Variants in NOVA1 observed in about 807,000 individuals in gnomAD.
The protein encoded by NOVA1 is NOVA alternative splicing regulator 1, also known as RNA-binding protein Nova-1.
NOVA1 carries 7 observed loss-of-function variants against 38.0 expected under a neutral mutation model. The ratio of observed to expected loss-of-function variants is 0.18; its 90% CI spans 0.10 to 0.35. The LOEUF (loss-of-function observed/expected upper bound fraction) is 0.35. Among genes scored for constraint, NOVA1 ranks in the 10% least tolerant of loss-of-function variants. The pLI, the probability that NOVA1 is intolerant of heterozygous loss-of-function variation, is 1.00. For synonymous variants in NOVA1, 270 were observed against 232.5 expected (o/e 1.16, Z -1.47); for missense variants, 460 against 616.0 (o/e 0.75, Z 2.68).
In NOVA1 at chr14:26,470,251, A is replaced by T. The variant is rs989505901; in HGVS notation, c.519+2069T>A. On this transcript the variant is annotated intron_variant, in intron 4 of 4. Transcript: ENST00000539517. ...GGTTATATACTTCCAGATATAAGTCAGTATAGCAAAGCTAAATTAATCAGG... is the reference window on the plus strand; with the variant it reads ...GGTTATATACTTCCAGATATAAGTCTGTATAGCAAAGCTAAATTAATCAGG... 3 of 1,201,818 alleles carry T rather than the reference A, an allele frequency of 2.5e-6. No individual in the cohort carries two copies. The African/African-American group carries it at 4.5e-5, about 18-fold the overall frequency. The allele number at this position is 1,201,818 out of a possible 1,614,324, so 74.4% of individuals were successfully genotyped here. A position where few individuals can be genotyped will look rare whatever the true frequency, so the allele number is the denominator to read the frequency against.
chr14:26,541,119 G>C (rs1311367337), intron 2 of NOVA1, among the ~76,000 whole-genome samples: 1 of 152,140 alleles, frequency 6.6e-6, no homozygotes, highest in Non-Finnish European at 1.5e-5. Context: ...ATTGGGGTTG[G>C]AAGGTAGAAT....
In NOVA1 at chr14:26,445,421, C is replaced by A. The variant is rs925429399; in HGVS notation, c.*2538G>T. On this transcript the variant is annotated 3_prime_UTR_variant, in exon 5 of 5. Coordinates refer to ENST00000539517, the MANE Select transcript of NOVA1 (RefSeq NM_002515.3). ...ACCATAAATTAAAATGTAATATCTT[C>A]AATTTAGCTTTCAGTTTTAACTAAC... The A allele has an allele frequency of 6.6e-6, 1 of 152,126 alleles. No individual in the cohort carries two copies. The highest frequency in any genetic ancestry group is 2.4e-5 in the African/African-American group (1 of 41,432). The allele number at this position is 152,126 out of a possible 1,614,324, so 9.4% of individuals were successfully genotyped here. A position where few individuals can be genotyped will look rare whatever the true frequency, so the allele number is the denominator to read the frequency against.
chr14:26,467,100 CAGA>C (rs1434268256), intron 4 of NOVA1, among the ~76,000 whole-genome samples: 4 of 152,128 alleles, frequency 2.6e-5, no homozygotes, highest in African/African-American at 9.7e-5. Flanking sequence ...AAAGAAGACT[CAGA>C]AGAATTCCCA....
chr14:26,450,653 TCA>T (rs1302355222), intron 4 of NOVA1, among the ~76,000 whole-genome samples: 6 of 152,142 alleles, frequency 3.9e-5, no homozygotes, highest in African/African-American at 1.4e-4. Flanking sequence ...TTAGTTTTGC[TCA>T]CAGACATCTT....
At chr14:26,489,099 T>C (rs928544175) in intron 2 of NOVA1, among the ~76,000 whole-genome samples, 1 of 151,886 alleles carries the variant, frequency 6.6e-6, no homozygotes, top group Non-Finnish European at 1.5e-5. Context: ...GCTTACGAGA[T>C]GAGAGCAAGA....
At chr14:26,464,087 C>T (rs1309482603) in intron 4 of NOVA1, among the ~76,000 whole-genome samples, 1 of 152,100 alleles carries the variant, frequency 6.6e-6, no homozygotes, top group Non-Finnish European at 1.5e-5. Context: ...TGATTGGAAG[C>T]CAGGTATTAT....
chr14:26,499,707 T>C (rs1366324868), intron 2 of NOVA1, among the ~76,000 whole-genome samples: 2 of 152,154 alleles, frequency 1.3e-5, no homozygotes, highest in Admixed American at 6.5e-5. Flanking sequence ...TACTCTCTTA[T>C]GGCAATTTAG....
intron 2 of NOVA1, among the ~76,000 whole-genome samples, chr14:26,511,538 C>T (rs999519413): frequency 6.6e-6 from 1 of 152,028 alleles, no homozygotes; most frequent in Admixed American, 6.6e-5. Context: ...GAGGCTGAGG[C>T]GGGCAGATCA....
rs398118003 is a variant in NOVA1 at position 26,507,285 on chromosome 14, A to AAT, written c.281-27143_281-27142insAT. Among the ~76,000 whole-genome samples, 494 of 151,568 alleles carry AAT rather than the reference A, an allele frequency of 3.3e-3. 1 individual carries two copies. The highest frequency in any genetic ancestry group is 5.5e-3 in the Non-Finnish European group (372 of 67,838). On this transcript the variant is annotated intron_variant, in intron 2 of 4. Transcript: ENST00000539517. ...ATTCAACTCATTGTAAAAAAAAAAA[A>AAT]TAATGTCAAAACTAGGTTTTAAATG...
rs191362743 is a variant in NOVA1 at position 26,446,366 on chromosome 14, C to G, written c.*1593G>C. On this transcript the variant is annotated 3_prime_UTR_variant, in exon 5 of 5. Transcript: ENST00000539517. ...GATCACAGTTCAGAGAGAGGCTGGA[C>G]GAAATTCAGACATGGAGCATCACAC... is the stretch of plus-strand genomic sequence containing the variant. The G allele has an allele frequency of 6.6e-6, 1 of 152,574 alleles. No homozygotes were observed. Among genetic ancestry groups the G allele is most frequent in the Non-Finnish European group, 1.5e-5 (1 of 68,076 alleles). 9.5% of individuals were successfully genotyped at this position (152,574 alleles called of 1,614,324 possible). A position where few individuals can be genotyped will look rare whatever the true frequency, so the allele number is the denominator to read the frequency against.
chr14:26,472,535 G>T, intron 3 of NOVA1, 144 bp from the exon 4 acceptor site: 1 of 431,890 alleles, frequency 2.3e-6, no homozygotes, highest in Non-Finnish European at 4.2e-6. Flanking sequence ...TGAATTTAAT[G>T]GATTTTAACA....
chr14:26,540,718 A>T (rs1890413642), intron 2 of NOVA1, among the ~76,000 whole-genome samples: 1 of 152,198 alleles, frequency 6.6e-6, no homozygotes, highest in Admixed American at 6.5e-5. Flanking sequence ...ATTAATTTTA[A>T]ACTGTGGCAC....
Position 26,443,814 on chromosome 14 carries a change from T to C in NOVA1, c.*4145A>G, listed in dbSNP as rs1881868209. 6.6e-6 allele frequency: 1 copy of C among 152,120 alleles called. No homozygotes were observed. The highest frequency in any genetic ancestry group is 1.5e-5 in the Non-Finnish European group (1 of 67,926). The allele number at this position is 152,120 out of a possible 1,614,324, so 9.4% of individuals were successfully genotyped here. ...AAGTAACGTGTGTACATTAAATTTA[T>C]GACTGTATTGCACTCAAAATTATTG... On this transcript the variant is annotated 3_prime_UTR_variant, in exon 5 of 5. Transcript: ENST00000539517.
At chr14:26,535,882 G>A (rs1248631488) in intron 2 of NOVA1, among the ~76,000 whole-genome samples, 1 of 151,782 alleles carries the variant, frequency 6.6e-6, no homozygotes, top group African/African-American at 2.4e-5. Flanking sequence ...AGGTGGCTGA[G>A]GCAGGAGAAT....
intron 2 of NOVA1, among the ~76,000 whole-genome samples, chr14:26,569,652 T>C (rs558679271): frequency 6.6e-6 from 1 of 152,306 alleles, no homozygotes; most frequent in South Asian, 2.1e-4. Flanking sequence ...GATCTATATA[T>C]ACAATTTATC....
intron 2 of NOVA1, among the ~76,000 whole-genome samples, chr14:26,563,234 A>G (rs890034124): frequency 6.6e-6 from 1 of 152,022 alleles, no homozygotes; most frequent in African/African-American, 2.4e-5. Flanking sequence ...TACAATACAA[A>G]GAGCAGAAGC....
At chr14:26,586,530 ATAT>A (rs1222472138) in intron 2 of NOVA1, among the ~76,000 whole-genome samples, 1 of 151,332 alleles carries the variant, frequency 6.6e-6, no homozygotes, top group Admixed American at 6.6e-5. Flanking sequence ...AAAAATACAT[ATAT>A]TATTAAAATA....
At chr14:26,535,809 A>G (rs1434019476) in intron 2 of NOVA1, among the ~76,000 whole-genome samples, 4 of 151,538 alleles carry the variant, frequency 2.6e-5, no homozygotes, top group African/African-American at 4.8e-5. Context: ...TACAAAAAAC[A>G]AAAACAACAA....
chr14:26,594,186 A>G (rs1224426422), intron 2 of NOVA1: 2 of 152,124 alleles, frequency 1.3e-5, no homozygotes, highest in Non-Finnish European at 2.9e-5. Context: ...CGTGTCTAAT[A>G]TATTACTTTT....
Sources: gnomAD v4.1 joint callset for allele counts (sites outside exome capture counted in the v4.1 genomes callset) on GRCh38, gnomAD v4.1.1 for gene constraint, MANE v1.5 for transcripts, NCBI Gene and HGNC (gene_info 2026-07-23, HGNC 2026-07-21) for gene names.